EML4: variants seen among roughly 807,000 people sequenced by gnomAD.
The protein encoded by EML4 is echinoderm microtubule-associated protein-like 4.
A neutral mutation model predicts 129.0 loss-of-function variants in EML4; 72 were observed. The observed-to-expected ratio is 0.56, with a 90% CI of 0.46 to 0.68. The LOEUF is 0.68. Ranked by LOEUF, EML4 falls within the 30% of genes least tolerant of loss-of-function variation. The pLI is 0.00. For synonymous variants in EML4, 532 were observed against 405.0 expected (o/e 1.31, Z -3.77); for missense variants, 1,363 against 1,190.6 (o/e 1.14, Z -2.13).
chr2:42,205,486 C>T (rs1269924088), intron 1 of EML4, among the ~76,000 whole-genome samples: 1 of 151,802 alleles, frequency 6.6e-6, no homozygotes, highest in African/African-American at 2.4e-5. Context: ...AATTAAATGC[C>T]CCTGCCCTCA....
chr2:42,233,445 A>G (rs147741933), intron 1 of EML4, among the ~76,000 whole-genome samples: 18,048 of 151,568 alleles, frequency 0.12, 1,119 homozygotes, highest in East Asian at 0.18. Context: ...AGCTGGGACT[A>G]TAGGCACCCG....
intron 1 of EML4, among the ~76,000 whole-genome samples, chr2:42,201,174 A>C (rs531403423): frequency 3.3e-4 from 50 of 152,360 alleles, no homozygotes; most frequent in African/African-American, 9.6e-4. Flanking sequence ...TTAACTCTGA[A>C]AGCATTACCA....
intron 2 of EML4, among the ~76,000 whole-genome samples, chr2:42,252,721 G>A (rs929244874): frequency 1.6e-4 from 25 of 151,972 alleles, no homozygotes; most frequent in African/African-American, 6.0e-4. Context: ...TACACATACT[G>A]CAATAGGATC....
At chr2:42,272,075 C>G (rs1317021420) in intron 6 of EML4, among the ~76,000 whole-genome samples, 1 of 96,188 alleles carries the variant, frequency 1.0e-5, no homozygotes, top group Non-Finnish European at 2.1e-5. Flanking sequence ...TGCACTCCAT[C>G]TCAAAAAAAA....
chr2:42,306,484 CTTTTTTTTT>C (rs375707062), intron 17 of EML4, among the ~76,000 whole-genome samples: 9 of 74,602 alleles, frequency 1.2e-4, no homozygotes, highest in East Asian at 5.6e-4. Flanking sequence ...GTGCTAAATC[CTTTTTTTTT>C]TTTTTTTTTT....
intron 6 of EML4, among the ~76,000 whole-genome samples, chr2:42,273,194 G>C (rs1213225813): frequency 6.6e-6 from 1 of 152,118 alleles, no homozygotes. Flanking sequence ...GAGGATATAA[G>C]TGAATGAGTT....
chr2:42,268,045 C>A (rs1666161438), intron 6 of EML4, among the ~76,000 whole-genome samples: 1 of 152,160 alleles, frequency 6.6e-6, no homozygotes. Context: ...AAATAGATAA[C>A]AATTTGACAA....
At chr2:42,235,366 G>A (rs1032685587) in intron 1 of EML4, among the ~76,000 whole-genome samples, 5 of 118,266 alleles carry the variant, frequency 4.2e-5, no homozygotes, top group Non-Finnish European at 7.2e-5. Context: ...AGGCTAAGGC[G>A]CGAGAATTAC....
At chr2:42,226,073 A>C (rs922463882) in intron 1 of EML4, among the ~76,000 whole-genome samples, 2 of 151,966 alleles carry the variant, frequency 1.3e-5, no homozygotes, top group African/African-American at 4.8e-5. Flanking sequence ...TGGTAAAATA[A>C]TGTATTGGAT....
intron 1 of EML4, among the ~76,000 whole-genome samples, chr2:42,224,497 A>T (rs117455905): frequency 6.6e-6 from 1 of 152,158 alleles, no homozygotes; most frequent in Non-Finnish European, 1.5e-5. Flanking sequence ...CTTATGAACA[A>T]TGCTGCTATA....
intron 1 of EML4, among the ~76,000 whole-genome samples, chr2:42,225,995 A>T (rs1034430713): frequency 6.6e-6 from 1 of 151,964 alleles, no homozygotes; most frequent in Non-Finnish European, 1.5e-5. Flanking sequence ...TTTTAAGGAA[A>T]TAATGCTACC....
At chr2:42,193,304 T>C (rs1449614287) in intron 1 of EML4, among the ~76,000 whole-genome samples, 1 of 152,212 alleles carries the variant, frequency 6.6e-6, no homozygotes, top group Admixed American at 6.5e-5. Flanking sequence ...CACAATGAAA[T>C]TGCCTGTGAT....
At chr2:42,213,266 C>T (rs1350734182) in intron 1 of EML4, among the ~76,000 whole-genome samples, 1 of 152,178 alleles carries the variant, frequency 6.6e-6, no homozygotes, top group Non-Finnish European at 1.5e-5. Flanking sequence ...TACTCCCCCT[C>T]CCACATCTAA....
At position 42,282,870 on chromosome 2, in the gene EML4, C is replaced by T. The variant is rs1667087482; in HGVS notation, c.839C>T (p.Pro280Leu). 14 of 1,612,648 alleles carry T rather than the reference C, an allele frequency of 8.7e-6. No homozygotes were observed. The highest frequency in any genetic ancestry group is 4.0e-5 in the African/African-American group (3 of 74,848). Residue 280 changes from proline to leucine, a missense_variant, in exon 8 of 23, where the codon CCG becomes CTG. Coordinates refer to ENST00000318522, the MANE Select transcript of EML4 (RefSeq NM_019063.5). ...TGTAGAGCTAATGTTTACCTTCTTC[C>T]GACCGGGAAAATAGTTTATTTCATT... Reference protein sequence around the residue: ...KDCRANVYLLPTGKIVYFIAS... With the variant: ...KDCRANVYLLLTGKIVYFIAS...
At chr2:42,312,203 T>A (rs374833590) in intron 17 of EML4, among the ~76,000 whole-genome samples, 1 of 152,156 alleles carries the variant, frequency 6.6e-6, no homozygotes, top group African/African-American at 2.4e-5. Context: ...TTACTAAAAT[T>A]TATGAATGTG....
chr2:42,179,568 T>G (rs1029021360), intron 1 of EML4, among the ~76,000 whole-genome samples: 2 of 152,132 alleles, frequency 1.3e-5, no homozygotes, highest in African/African-American at 4.8e-5. Flanking sequence ...GTTTATAGCT[T>G]ATGGTTTAGG....
intron 14 of EML4, 66 bp downstream of exon 14, chr2:42,301,458 A>T: frequency 7.9e-7 from 1 of 1,271,446 alleles, no homozygotes; most frequent in Non-Finnish European, 1.1e-6. Flanking sequence ...TCCCACATTA[A>T]GATAACTTAT....
chr2:42,255,729 G>A (rs897425946), intron 2 of EML4, among the ~76,000 whole-genome samples: 2 of 152,060 alleles, frequency 1.3e-5, no homozygotes, highest in African/African-American at 4.8e-5. Context: ...ATCTAATGTA[G>A]GACTTACGAA....
At chr2:42,249,262 A>AT (rs1371171337) in intron 2 of EML4, among the ~76,000 whole-genome samples, 10 of 148,054 alleles carry the variant, frequency 6.8e-5, no homozygotes, top group Admixed American at 2.0e-4. Flanking sequence ...AAGTAAAGTC[A>AT]TTTTTTATAC....
Sources: gnomAD v4.1 joint callset for allele counts (sites outside exome capture counted in the v4.1 genomes callset) on GRCh38, gnomAD v4.1.1 for gene constraint, MANE v1.5 for transcripts, NCBI Gene and HGNC (gene_info 2026-07-23, HGNC 2026-07-21) for gene names.